KIF1A: variants seen among roughly 807,000 people sequenced by gnomAD.
KIF1A encodes kinesin family member 1A, also known as kinesin-like protein KIF1A.
KIF1A carries 46 observed loss-of-function variants against 227.3 expected under a neutral mutation model. The ratio of observed to expected loss-of-function variants is 0.20; its 90% CI spans 0.16 to 0.26. KIF1A has a LOEUF of 0.26. Ranked by LOEUF, KIF1A falls within the 10% of genes least tolerant of loss-of-function variation. The pLI is 1.00. For missense variants in KIF1A, 1,683 were observed against 2,485.9 expected, an observed-to-expected ratio of 0.68 and a Z score of 6.87; for synonymous variants, 1,022 against 1,012.8, an observed-to-expected ratio of 1.01 and a Z score of -0.17.
Position 240,716,308 on chromosome 2 carries a change from C to T in KIF1A, c.*1056G>A, listed in dbSNP as rs576384972. 1.3e-5 allele frequency: 2 copies of T among 152,356 alleles called. No individual in the cohort carries two copies. The highest frequency in any genetic ancestry group is 4.2e-4 in the South Asian group (2 of 4,816). The allele number at this position is 152,356 out of a possible 1,614,324, so 9.4% of individuals were successfully genotyped here. On this transcript the variant is annotated 3_prime_UTR_variant, in exon 49 of 49. Transcript: ENST00000498729. ...GGCAGCATTTCTTCCCAGAAGCTAC[C>T]TTGACTCACTCCATTTCTCGCCGCA...
intron 7 of KIF1A, among the ~76,000 whole-genome samples, chr2:240,784,096 C>T (rs1489651023): frequency 1.3e-5 from 2 of 152,200 alleles, no homozygotes; most frequent in Admixed American, 6.5e-5. Flanking sequence ...CACACAAGGG[C>T]GTACTCGCTC....
rs1327424478 is a variant in KIF1A at position 240,741,326 on chromosome 2, T to A, written c.3692A>T (p.His1231Leu). 6.3e-7 allele frequency: 1 copy of A among 1,599,732 alleles called. No individual in the cohort carries two copies. The highest frequency in any genetic ancestry group is 1.7e-5 in the Admixed American group (1 of 58,946). Residue 1231 changes from histidine to leucine, a missense_variant, in exon 35 of 49, where the codon CAC (histidine) becomes CTC (leucine). Coordinates refer to ENST00000498729, the MANE Select transcript of KIF1A (RefSeq NM_001244008.2). ...GTAGACCAGCAGGTCGTACTTGCAG[T>A]GGCAGGGTCCCGGACAGGGCCGCGT... ...TLTRPCPGPC[H>L]CKYDLLVYFE...
At chr2:240,806,799 T>C (rs1438319027) in intron 1 of KIF1A, among the ~76,000 whole-genome samples, 2 of 152,082 alleles carry the variant, frequency 1.3e-5, no homozygotes, top group Admixed American at 1.3e-4. Context: ...ATTGATCCAA[T>C]AGTTTAAAAA....
chr2:240,769,604 G>T, intron 16 of KIF1A, 23 bp downstream of exon 16: 3 of 1,602,704 alleles, frequency 1.9e-6, no homozygotes, highest in Non-Finnish European at 2.6e-6. Context: ...CTCCCCCTGG[G>T]CCTCAGTTTC....
Position 240,737,188 on chromosome 2 carries a change from C to T in KIF1A, c.3902-20G>A, listed in dbSNP as rs781554547. On this transcript the variant is annotated intron_variant, in intron 37 of 48. Transcript: ENST00000498729. Reference sequence around the variant, plus strand: ...TGCGGCCTGCAGAAAAGGCAACGGGCCACAGGTCACTTCCCAGGGGGCAGG... The same window carrying T: ...TGCGGCCTGCAGAAAAGGCAACGGGTCACAGGTCACTTCCCAGGGGGCAGG... The T allele has an allele frequency of 5.6e-6, 9 of 1,604,072 alleles. No homozygotes were observed. The highest frequency in any genetic ancestry group is 2.2e-5 in the East Asian group (1 of 44,796).
At chr2:240,815,055 A>G (rs536409567) in intron 1 of KIF1A, among the ~76,000 whole-genome samples, 1 of 152,348 alleles carries the variant, frequency 6.6e-6, no homozygotes, top group Non-Finnish European at 1.5e-5. Context: ...AGCCCACTGC[A>G]GCCACTACTT....
At position 240,758,387 on chromosome 2, in the gene KIF1A, C is replaced by T. The variant is rs763193287; in HGVS notation, c.2555G>A (p.Arg852His). 1.2e-6 allele frequency: 2 copies of T among 1,612,136 alleles called. No homozygotes were observed. The highest frequency in any genetic ancestry group is 1.7e-6 in the Non-Finnish European group (2 of 1,178,922). Residue 852 changes from arginine (R) to histidine (H), a missense_variant, in exon 26 of 49, where the codon CGC becomes CAC. Physicochemically the swap from Arg to His is conservative, Grantham distance 29 (BLOSUM62 0). Transcript: ENST00000498729. This position sits in a 1 kb window ranked among gnomAD's most constrained non-coding sequence, Gnocchi z 5.2. ...GCCCACCAGCCGGAACCAGGGGAAG[C>T]GGTCATAGAAGGGGTCTCCGCCGGT... ...VVTGGDPFYD[R>H]FPWFRLVGSS...
intron 10 of KIF1A, chr2:240,782,019 G>A: frequency 1.0e-6 from 1 of 985,366 alleles, no homozygotes; most frequent in Non-Finnish European, 1.2e-6. Context: ...CGCCCGCCCT[G>A]TCTCACGCAT....
At position 240,788,615 on chromosome 2, in the gene KIF1A, C is replaced by T. The variant is rs1055489408; in HGVS notation, c.184-385G>A. ...AGAGACCCCACAGGCTGGGCTACAG[C>T]GCCTGGACACTGTCCTGAGGACAGT... On this transcript the variant is annotated intron_variant, in intron 3 of 48. Transcript: ENST00000498729. This position sits in a 1 kb window ranked among gnomAD's most constrained non-coding sequence, Gnocchi z 6.6. Among the ~76,000 whole-genome samples the T allele has an allele frequency of 3.3e-5, 5 of 152,002 alleles. No homozygotes were observed. Among genetic ancestry groups the T allele is most frequent in the Non-Finnish European group, 5.9e-5 (4 of 67,998 alleles).
intron 12 of KIF1A, 24 bp downstream of exon 12, chr2:240,774,159 A>C: frequency 6.7e-7 from 1 of 1,491,940 alleles, no homozygotes; most frequent in Non-Finnish European, 9.3e-7. Context: ...CGGGAAGCAG[A>C]GCTTGTCTCC....
intron 10 of KIF1A, 66 bp downstream of exon 10, chr2:240,782,524 C>T (rs2054195151): frequency 1.3e-6 from 2 of 1,514,896 alleles, no homozygotes; most frequent in African/African-American, 1.4e-5. Context: ...CCACAGGGCG[C>T]CAATGCAGGG....
intron 7 of KIF1A, 84 bp from the exon 8 acceptor site, chr2:240,783,900 C>T: frequency 1.9e-6 from 2 of 1,052,676 alleles, no homozygotes; most frequent in Middle Eastern, 4.0e-4. Context: ...GTCTCCACAG[C>T]TGTTGAAGGA....
Position 240,788,031 on chromosome 2 carries a change from G to GC in KIF1A, c.363+19dup. ...CGCCCCATCTGCCAGGGCTGCCCCC[G>GC]CCCGCCCCCCGCTTCGTGCCTGTGG... is the stretch of plus-strand genomic sequence containing the variant. On this transcript the variant is annotated intron_variant, in intron 4 of 48. Coordinates refer to ENST00000498729, the MANE Select transcript of KIF1A (RefSeq NM_001244008.2). This position sits in a 1 kb window ranked among gnomAD's most constrained non-coding sequence, Gnocchi z 6.6. The GC allele has an allele frequency of 3.0e-6, 2 of 664,402 alleles. No homozygotes were observed. Among genetic ancestry groups the GC allele is most frequent in the Non-Finnish European group, 4.4e-6 (2 of 452,924 alleles). The allele number at this position is 664,402 out of a possible 1,614,324, so 41.2% of individuals were successfully genotyped here.
At position 240,788,230 on chromosome 2, in the gene KIF1A, G is replaced by C; in HGVS notation, c.184C>G (p.Pro62Ala). ...FDYSYWSHTS[P>A]EDINYASQKQ... ...TGCGACGCGTAGTTGATGTCCTCAG[G>C]CTGGAGGACGAGGAAGGAATGAAGT... Residue 62 changes from proline to alanine, a missense_variant and splice_region_variant, in exon 4 of 49, where the codon CCT becomes GCT. By Grantham distance (27) the Pro-to-Ala change is conservative. Around this residue, in one of 12 missense-constraint regions of KIF1A, gnomAD observed 71 missense variants for 129.1 expected, o/e 0.55. Transcript: ENST00000498729. This position sits in a 1 kb window ranked among gnomAD's most constrained non-coding sequence, Gnocchi z 6.6. 1 of 1,613,540 alleles carries C rather than the reference G, an allele frequency of 6.2e-7. No individual in the cohort carries two copies. Among genetic ancestry groups the C allele is most frequent in the Non-Finnish European group, 8.5e-7 (1 of 1,179,754 alleles).
rs956206288 is a variant in KIF1A, at chr2:240,758,872, C to T, written c.2445-375G>A. ...AAACGGGGATCAGGCCACAGAGGCG[C>T]AAGAGCTCGAGGAATAAAGGGCAAA... On this transcript the variant is annotated intron_variant, in intron 25 of 48. Coordinates refer to ENST00000498729, the MANE Select transcript of KIF1A (RefSeq NM_001244008.2). This position sits in a 1 kb window ranked among gnomAD's most constrained non-coding sequence, Gnocchi z 5.2. Among the ~76,000 whole-genome samples, 12 of 152,112 alleles carry T rather than the reference C, an allele frequency of 7.9e-5. No homozygotes were observed. The highest frequency in any genetic ancestry group is 1.2e-4 in the Non-Finnish European group (8 of 68,024).
In KIF1A at chr2:240,740,647, T is replaced by C. The variant is rs1038324831; in HGVS notation, c.3750-283A>G. ...CCCTCTGGGCTGGATCTTTGTAAGTTCCCAAGGGTCCTCTGCTTCCCCTCA... is the reference window on the plus strand; with the variant it reads ...CCCTCTGGGCTGGATCTTTGTAAGTCCCCAAGGGTCCTCTGCTTCCCCTCA... On this transcript the variant is annotated intron_variant, in intron 35 of 48. Coordinates refer to ENST00000498729, the MANE Select transcript of KIF1A (RefSeq NM_001244008.2). The surrounding 1 kb of genome is among the most constrained non-coding windows in gnomAD (Gnocchi z 6.1). 1.5e-4 allele frequency among the ~76,000 whole-genome samples: 23 copies of C among 152,000 alleles called. No individual in the cohort carries two copies. The highest frequency in any genetic ancestry group is 5.1e-4 in the African/African-American group (21 of 41,442).
In KIF1A at chr2:240,721,827, C is replaced by T. The variant is rs779019920; in HGVS notation, c.4723G>A (p.Val1575Ile). 12 of 1,606,694 alleles carry T rather than the reference C, an allele frequency of 7.5e-6. No homozygotes were observed. Among genetic ancestry groups the T allele is most frequent in the Admixed American group, 3.3e-5 (2 of 59,808 alleles). The change falls in exon 44 of 49, where the codon GTC becomes ATC. Residue 1575 changes from valine to isoleucine, a missense_variant. By Grantham distance (29) the Val-to-Ile change is conservative (BLOSUM62 3). Coordinates refer to ENST00000498729, the MANE Select transcript of KIF1A (RefSeq NM_001244008.2). ...NREYTHSHVC[V>I]SASESKLSEM... Reference sequence around the variant, plus strand: ...CCCACCTTGCTCTCGCTGGCACTGACGCAGACGTGGCTGTGTGTGTACTCT... The same window carrying T: ...CCCACCTTGCTCTCGCTGGCACTGATGCAGACGTGGCTGTGTGTGTACTCT...
chr2:240,717,538 C>T, intron 48 of KIF1A, 132 bp from the exon 49 acceptor site: 1 of 772,512 alleles, frequency 1.3e-6, no homozygotes, highest in Non-Finnish European at 2.2e-6. Context: ...TCCCTCACCA[C>T]CTGGGGAAGG....
At position 240,780,070 on chromosome 2, in the gene KIF1A, T is replaced by G. The variant is rs544096128; in HGVS notation, c.882+2520A>C. Among the ~76,000 whole-genome samples, 157 of 152,118 alleles carry G rather than the reference T, an allele frequency of 1.0e-3. 1 individual carries two copies. The highest frequency in any genetic ancestry group is 3.6e-3 in the African/African-American group (148 of 41,496). On this transcript the variant is annotated intron_variant, in intron 10 of 48. Transcript: ENST00000498729. ...CAGACGGGGGCTCACGTGGCTCCTC[T>G]CAGGCCCCCGCGAGTTCCTCCGAGT... is the stretch of plus-strand genomic sequence containing the variant.
Sources: allele counts gnomAD v4.1 joint callset (sites outside exome capture counted in the v4.1 genomes callset), GRCh38; gene constraint gnomAD v4.1.1; regional missense constraint gnomAD v4.1.1; non-coding constraint Gnocchi (gnomAD v3.1); transcripts MANE v1.5; gene names NCBI Gene and HGNC (gene_info 2026-07-23, HGNC 2026-07-21).